GRAMD1B: variants seen among roughly 807,000 people sequenced by gnomAD.
GRAMD1B encodes protein Aster-B.
A neutral mutation model predicts 99.7 loss-of-function variants in GRAMD1B; 37 were observed. The observed-to-expected ratio is 0.37, with a 90% confidence interval of 0.29 to 0.49. GRAMD1B has a LOEUF of 0.49. Ranked by LOEUF, GRAMD1B falls within the 20% of genes least tolerant of loss-of-function variation. The pLI is 0.98. For synonymous variants in GRAMD1B, 427 were observed against 387.6 expected (o/e 1.10, Z -1.19); for missense variants, 888 against 1,009.2 (o/e 0.88, Z 1.63).
intron 2 of GRAMD1B, among the ~76,000 whole-genome samples, chr11:123,503,552 C>CTTTT (rs56215248): frequency 6.8e-6 from 1 of 146,552 alleles, no homozygotes; most frequent in South Asian, 2.1e-4. Flanking sequence ...TAAATTTCAC[C>CTTTT]TTTTTTTTTT....
rs369531175 is a variant in GRAMD1B at position 123,538,287 on chromosome 11, C to T, written c.453-39080C>T. Among the ~76,000 whole-genome samples, 10 of 152,268 alleles carry T rather than the reference C, an allele frequency of 6.6e-5. No homozygotes were observed. The East Asian group carries it at 1.9e-3, about 29-fold the overall frequency. ...CTTTGCAGTGTCTCCCTGACTTATACTACTCTGTTTCCTTAGACTCTTGCC... is the reference window on the plus strand; with the variant it reads ...CTTTGCAGTGTCTCCCTGACTTATATTACTCTGTTTCCTTAGACTCTTGCC... On this transcript the variant is annotated intron_variant, in intron 2 of 19. Coordinates refer to ENST00000635736, the MANE Select transcript of GRAMD1B (RefSeq NM_001387025.1).
At position 123,507,642 on chromosome 11, in the gene GRAMD1B, T is replaced by C. The variant is rs534257477; in HGVS notation, c.452+26749T>C. 9.8e-5 allele frequency among the ~76,000 whole-genome samples: 15 copies of C among 152,330 alleles called. No individual in the cohort carries two copies. The South Asian group carries it at 2.9e-3, about 29-fold the overall frequency. On this transcript the variant is annotated intron_variant, in intron 2 of 19. Transcript: ENST00000635736. ...AGTAAATTCATTTAAATACTTTTTA[T>C]CTAAAAGCAATTTTCACTGTACATA...
At chr11:123,598,024 A>G in intron 7 of GRAMD1B, 16 of 1,301,600 alleles carry the variant, frequency 1.2e-5, no homozygotes, top group Admixed American at 1.7e-5. Context: ...ATTCTTCCTC[A>G]GTGTCAGGCT....
Position 123,468,152 on chromosome 11 carries a change from G to A in GRAMD1B, c.375-12664G>A, listed in dbSNP as rs144398705. Reference sequence around the variant, plus strand: ...GCTGGGATTACAGGTGTGAGTCACCGCACCCAGCCTCAGGGTACTTTCAAC... The same window carrying A: ...GCTGGGATTACAGGTGTGAGTCACCACACCCAGCCTCAGGGTACTTTCAAC... On this transcript the variant is annotated intron_variant, in intron 1 of 19. Coordinates refer to ENST00000635736, the MANE Select transcript of GRAMD1B (RefSeq NM_001387025.1). Among the ~76,000 whole-genome samples the A allele has an allele frequency of 2.2e-3, 328 of 152,178 alleles. 1 individual carries two copies. The highest frequency in any genetic ancestry group is 3.0e-3 in the Non-Finnish European group (201 of 68,006).
intron 1 of GRAMD1B, among the ~76,000 whole-genome samples, chr11:123,457,168 C>T (rs928135264): frequency 8.9e-6 from 1 of 112,142 alleles, no homozygotes; most frequent in African/African-American, 3.5e-5. Flanking sequence ...CGAATCCCTT[C>T]CTGCTGTGAA....
chr11:123,368,699 A>AAAAAGAAAG, intron 1 of GRAMD1B, among the ~76,000 whole-genome samples: 1 of 150,294 alleles, frequency 6.7e-6, no homozygotes, highest in South Asian at 2.1e-4. Flanking sequence ...AAAAAAAAAA[A>AAAAAGAAAG]AAAGAAAGAA....
At chr11:123,579,447 C>T (rs1162126517) in intron 3 of GRAMD1B, among the ~76,000 whole-genome samples, 1 of 152,178 alleles carries the variant, frequency 6.6e-6, no homozygotes, top group Non-Finnish European at 1.5e-5. Flanking sequence ...TTTTAAATGG[C>T]CGTTCCTGGC....
intron 2 of GRAMD1B, among the ~76,000 whole-genome samples, chr11:123,533,231 A>C (rs1323635871): frequency 6.6e-6 from 1 of 151,984 alleles, no homozygotes; most frequent in Non-Finnish European, 1.5e-5. Flanking sequence ...TCAGCCTCCC[A>C]AAGTGCTGGG....
At chr11:123,600,350 G>A in intron 7 of GRAMD1B, 118 bp from the exon 8 acceptor site, 1 of 644,806 alleles carries the variant, frequency 1.6e-6, no homozygotes, top group South Asian at 2.0e-5. Context: ...AGGTAACTGA[G>A]AGTCATTAGT....
intron 2 of GRAMD1B, among the ~76,000 whole-genome samples, chr11:123,549,132 C>T (rs1391474210): frequency 1.3e-5 from 2 of 152,166 alleles, no homozygotes; most frequent in African/African-American, 2.4e-5. Flanking sequence ...AGTGCACAGC[C>T]GGGTTGCTGG....
At chr11:123,548,325 T>TATATACACAC (rs1555067740) in intron 2 of GRAMD1B, among the ~76,000 whole-genome samples, 1 of 86,902 alleles carries the variant, frequency 1.2e-5, no homozygotes, top group African/African-American at 5.1e-5. Context: ...TATATATATA[T>TATATACACAC]ACACACACAC....
chr11:123,507,774 A>T (rs1315501072), intron 2 of GRAMD1B, among the ~76,000 whole-genome samples: 1 of 152,140 alleles, frequency 6.6e-6, no homozygotes, highest in African/African-American at 2.4e-5. Context: ...TCTTCAGTTT[A>T]AAAAAAGGCC....
chr11:123,491,646 C>T lies in GRAMD1B; in HGVS notation c.452+10753C>T, dbSNP rs868211227. 3.5e-5 allele frequency: 13 copies of T among 375,484 alleles called. No homozygotes were observed. In the Middle Eastern group the frequency reaches 3.4e-3, roughly 99 times the overall value. The allele number at this position is 375,484 out of a possible 1,614,324, so 23.3% of individuals were successfully genotyped here. ...CAGGAGGCAGAGGGGATCTCGGTAA[C>T]GCAGGACCCCAGGCTTGCCCACCCT... On this transcript the variant is annotated intron_variant, in intron 2 of 19. Coordinates refer to ENST00000635736, the MANE Select transcript of GRAMD1B (RefSeq NM_001387025.1).
In GRAMD1B at chr11:123,591,909, C is replaced by A. The variant is rs1950701234; in HGVS notation, c.685-2173C>A. ...TCCCCTCTCCCTGCCACTGCTACAGCTTTGTTTTAAGGAAAGTAGCGGCCC... is the reference window on the plus strand; with the variant it reads ...TCCCCTCTCCCTGCCACTGCTACAGATTTGTTTTAAGGAAAGTAGCGGCCC... On this transcript the variant is annotated intron_variant, in intron 4 of 19. Transcript: ENST00000635736. This position sits in a 1 kb window ranked among gnomAD's most constrained non-coding sequence, Gnocchi z 4.7. Among the ~76,000 whole-genome samples the A allele has an allele frequency of 1.3e-5, 2 of 152,226 alleles. No individual in the cohort carries two copies. Among genetic ancestry groups the A allele is most frequent in the African/African-American group, 4.8e-5 (2 of 41,458 alleles).
intron 2 of GRAMD1B, among the ~76,000 whole-genome samples, chr11:123,504,100 G>A (rs1940174616): frequency 6.6e-6 from 1 of 152,202 alleles, no homozygotes; most frequent in African/African-American, 2.4e-5. Context: ...TGTCACTCAT[G>A]TTTCTGTTGC....
Position 123,511,216 on chromosome 11 carries a change from G to A in GRAMD1B, c.452+30323G>A, listed in dbSNP as rs561235122. ...TATAAGGAATGGGTGGGGTTGGTGC[G>A]GGCTGGACAGTCTTAAAAGCAGAGA... On this transcript the variant is annotated intron_variant, in intron 2 of 19. Coordinates refer to ENST00000635736, the MANE Select transcript of GRAMD1B (RefSeq NM_001387025.1). 6.6e-5 allele frequency among the ~76,000 whole-genome samples: 10 copies of A among 152,220 alleles called. No individual in the cohort carries two copies. In the South Asian group the frequency reaches 8.3e-4, roughly 13 times the overall value.
intron 2 of GRAMD1B, among the ~76,000 whole-genome samples, chr11:123,513,652 CCTTT>C (rs571894757): frequency 1.5e-3 from 45 of 30,836 alleles, no homozygotes; most frequent in Non-Finnish European, 2.6e-3. Context: ...CTTTTTCTTA[CCTTT>C]CTTTCTTTCT....
At chr11:123,415,361 A>G (rs1591472453) in intron 1 of GRAMD1B, among the ~76,000 whole-genome samples, 1 of 151,914 alleles carries the variant, frequency 6.6e-6, no homozygotes, top group Admixed American at 6.6e-5. Flanking sequence ...TCGGCCTCCC[A>G]AAGTGCTGGG....
At chr11:123,567,000 G>A (rs1326273661) in intron 2 of GRAMD1B, among the ~76,000 whole-genome samples, 1 of 152,212 alleles carries the variant, frequency 6.6e-6, no homozygotes, top group East Asian at 1.9e-4. Flanking sequence ...GGGCCACGTG[G>A]TAATGATTGC....
Sources: gnomAD v4.1 joint callset for allele counts (sites outside exome capture counted in the v4.1 genomes callset) on GRCh38, gnomAD v4.1.1 for gene constraint, Gnocchi (gnomAD v3.1) non-coding constraint, MANE v1.5 for transcripts, NCBI Gene and HGNC (gene_info 2026-07-23, HGNC 2026-07-21) for gene names.